Variants in KDM5B observed in about 807,000 individuals in gnomAD.
The protein encoded by KDM5B is lysine demethylase 5B, also known as lysine-specific demethylase 5B.
A neutral mutation model predicts 193.4 loss-of-function variants in KDM5B; 144 were observed. The observed-to-expected ratio is 0.74, with a 90% CI of 0.65 to 0.86. KDM5B has a LOEUF of 0.86. Among genes scored for constraint, KDM5B ranks in the 40% least tolerant of loss-of-function variants. The pLI, the probability that KDM5B is intolerant of heterozygous loss-of-function variation, is 0.00. For missense variants in KDM5B, 1,833 were observed against 1,886.9 expected (o/e 0.97, Z 0.53); for synonymous variants, 668 against 682.6 (o/e 0.98, Z 0.33).
chr1:202,737,217 T>C (rs1306068111), intron 20 of KDM5B, among the ~76,000 whole-genome samples: 2 of 152,224 alleles, frequency 1.3e-5, no homozygotes, highest in African/African-American at 4.8e-5. Context: ...AACTAAAATA[T>C]AAGTTGAGAC....
chr1:202,808,104 G>C lies in KDM5B; in HGVS notation c.202C>G (p.Pro68Ala), dbSNP rs369444528. The C allele has an allele frequency of 4.3e-6, 7 of 1,610,058 alleles. No homozygotes were observed. The Admixed American group carries it at 6.7e-5, about 15-fold the overall frequency. Reference sequence around the variant, plus strand: ...TCCGGGGTGCTGGCGTGACTCACCGGCGGCGGCCGCACCTTACAGATGCCA... The same window carrying C: ...TCCGGGGTGCTGGCGTGACTCACCGCCGGCGGCCGCACCTTACAGATGCCA... The part of the protein sequence containing the change: ...QTGICKVRPP[P>A]DWQPPFACDV... Residue 68 changes from proline to alanine, a missense_variant and splice_region_variant, in exon 1 of 27, where the codon CCG (proline) becomes GCG (alanine). This residue lies in a region of KDM5B where 355 missense variants were observed against 374.9 expected (regional missense o/e 0.95). Coordinates refer to ENST00000367265, the MANE Select transcript of KDM5B (RefSeq NM_006618.5).
chr1:202,749,181 C>T (rs766528511), intron 13 of KDM5B, 42 bp from the exon 14 acceptor site: 1 of 1,545,848 alleles, frequency 6.5e-7, no homozygotes, highest in South Asian at 1.2e-5. Flanking sequence ...ATTCATCTTT[C>T]TTCTATTTCC....
intron 16 of KDM5B, among the ~76,000 whole-genome samples, chr1:202,744,991 C>G (rs1049169866): frequency 6.6e-6 from 1 of 152,174 alleles, no homozygotes; most frequent in East Asian, 1.9e-4. Context: ...GAGCTCGTGT[C>G]CTTTGCAGGA....
intron 20 of KDM5B, among the ~76,000 whole-genome samples, chr1:202,739,846 C>G (rs1655238050): frequency 6.6e-6 from 1 of 152,224 alleles, no homozygotes; most frequent in African/African-American, 2.4e-5. Context: ...TGGTACAGAA[C>G]AAAATGAAAA....
At chr1:202,749,653 T>G (rs548771754) in intron 13 of KDM5B, among the ~76,000 whole-genome samples, 3 of 151,950 alleles carry the variant, frequency 2.0e-5, no homozygotes, top group Non-Finnish European at 2.9e-5. Flanking sequence ...CTTACATATC[T>G]TAATTAAAAA....
chr1:202,751,113 C>T (rs2102252479), intron 12 of KDM5B, among the ~76,000 whole-genome samples: 1 of 152,112 alleles, frequency 6.6e-6, no homozygotes, highest in East Asian at 1.9e-4. Flanking sequence ...CTTCTACCAC[C>T]AATTAAAGCA....
intron 13 of KDM5B, among the ~76,000 whole-genome samples, chr1:202,749,861 A>T (rs1379201802): frequency 6.6e-6 from 1 of 152,230 alleles, no homozygotes; most frequent in African/African-American, 2.4e-5. Flanking sequence ...AAGTGCCATT[A>T]TAACAAAGTT....
At chr1:202,777,351 T>TAAA (rs147335949) in intron 1 of KDM5B, among the ~76,000 whole-genome samples, 5 of 128,670 alleles carry the variant, frequency 3.9e-5, no homozygotes, top group Non-Finnish European at 4.8e-5. Flanking sequence ...ATTGAGCCTG[T>TAAA]AAAAAAAAAA....
chr1:202,777,342 T>C (rs1370876817), intron 1 of KDM5B, among the ~76,000 whole-genome samples: 5 of 119,414 alleles, frequency 4.2e-5, no homozygotes, highest in East Asian at 2.5e-4. Context: ...AGCAATGTCA[T>C]TGAGCCTGTA....
chr1:202,766,846 ATG>A lies in KDM5B; in HGVS notation c.711+78_711+79del. On this transcript the variant is annotated intron_variant, in intron 5 of 26. Coordinates refer to ENST00000367265, the MANE Select transcript of KDM5B (RefSeq NM_006618.5). ...GTTCAAAACTACAAAGAGCACACACATGAGAGAAATCCAGTGCCAGACAGCCA... is the reference window on the plus strand; with the variant it reads ...GTTCAAAACTACAAAGAGCACACACAAGAGAAATCCAGTGCCAGACAGCCA... 9 of 1,437,778 alleles carry A rather than the reference ATG, an allele frequency of 6.3e-6. No individual in the cohort carries two copies. The South Asian group carries it at 1.3e-4, about 21-fold the overall frequency. The allele number at this position is 1,437,778 out of a possible 1,614,324, so 89.1% of individuals were successfully genotyped here.
In KDM5B at chr1:202,752,935, G is replaced by T; in HGVS notation, c.1671C>A (p.Asn557Lys). Residue 557 changes from asparagine to lysine, a missense_variant, in exon 12 of 27, where the codon AAC (asparagine) becomes AAA (lysine). By Grantham distance (94) the Asn-to-Lys change is moderately conservative. Coordinates refer to ENST00000367265, the MANE Select transcript of KDM5B (RefSeq NM_006618.5). Reference sequence around the variant, plus strand: ...CTTCATGAGTCATCAGGGTATTGGGGTTCATGATGGTCACAAGCTGATGGA... The same window carrying T: ...CTTCATGAGTCATCAGGGTATTGGGTTTCATGATGGTCACAAGCTGATGGA... Reference protein sequence around the residue: ...DLLHQLVTIMNPNTLMTHEVP... With the variant: ...DLLHQLVTIMKPNTLMTHEVP... The T allele has an allele frequency of 6.2e-7, 1 of 1,614,146 alleles. No homozygotes were observed. The highest frequency in any genetic ancestry group is 8.5e-7 in the Non-Finnish European group (1 of 1,179,996).
intron 1 of KDM5B, chr1:202,796,210 T>C (rs887380585): frequency 1.4e-5 from 4 of 281,518 alleles, no homozygotes; most frequent in Non-Finnish European, 2.8e-5. Flanking sequence ...AGAGCCTCTC[T>C]TATGCCAAGC....
At chr1:202,732,062 T>G (rs1266015362) in intron 23 of KDM5B, 123 bp from the exon 24 acceptor site, 3 of 636,228 alleles carry the variant, frequency 4.7e-6, no homozygotes, top group Non-Finnish European at 8.0e-6. Context: ...AAAAAACAAC[T>G]TGATTTTCCC....
chr1:202,732,058 CA>C (rs1654907840), intron 23 of KDM5B, 119 bp from the exon 24 acceptor site: 1 of 553,712 alleles, frequency 1.8e-6, no homozygotes, highest in Non-Finnish European at 3.2e-6. Context: ...AAAAAAAAAA[CA>C]ACTTGATTTT....
intron 16 of KDM5B, 96 bp from the exon 17 acceptor site, chr1:202,742,901 T>G: frequency 1.0e-6 from 1 of 1,001,844 alleles, no homozygotes; most frequent in Non-Finnish European, 1.5e-6. Context: ...AGTTCTTGTC[T>G]AGAAATGTAA....
At chr1:202,771,812 C>A (rs1430033701) in intron 4 of KDM5B, among the ~76,000 whole-genome samples, 1 of 151,454 alleles carries the variant, frequency 6.6e-6, no homozygotes, top group Non-Finnish European at 1.5e-5. Flanking sequence ...CATCTCTTGA[C>A]CTCATGATCC....
At position 202,777,016 on chromosome 1, in the gene KDM5B, C is replaced by T; in HGVS notation, c.282+1G>A. 1.3e-6 allele frequency: 2 copies of T among 1,598,082 alleles called. No homozygotes were observed. Among genetic ancestry groups the T allele is most frequent in the Non-Finnish European group, 1.7e-6 (2 of 1,165,538 alleles). On this transcript the variant is annotated splice_donor_variant, in intron 2 of 26. Transcript: ENST00000367265. LOFTEE classifies it high-confidence loss of function. ...AAACAGAACAATAGTGAAGACATTACCTCCAATTCATTCAGTCTCTGGATA... is the reference window on the plus strand; with the variant it reads ...AAACAGAACAATAGTGAAGACATTATCTCCAATTCATTCAGTCTCTGGATA...
intron 4 of KDM5B, among the ~76,000 whole-genome samples, 155 bp downstream of exon 4, chr1:202,772,963 T>C (rs941680165): frequency 1.3e-5 from 2 of 152,110 alleles, no homozygotes; most frequent in Non-Finnish European, 2.9e-5. Flanking sequence ...TCCCAAAGTG[T>C]TGGGATTACA....
intron 14 of KDM5B, among the ~76,000 whole-genome samples, chr1:202,746,821 T>C (rs982817999): frequency 6.6e-5 from 10 of 152,196 alleles, no homozygotes; most frequent in African/African-American, 2.4e-4. Flanking sequence ...TCTCAGCCTT[T>C]TACAGGAAGT....
Sources: allele counts gnomAD v4.1 joint callset (sites outside exome capture counted in the v4.1 genomes callset), GRCh38; gene constraint gnomAD v4.1.1; regional missense constraint gnomAD v4.1.1; transcripts MANE v1.5; gene names NCBI Gene and HGNC (gene_info 2026-07-23, HGNC 2026-07-21).